The following ANO6 variants were observed in gnomAD, a reference collection of about 807,000 sequenced individuals.
ANO6 encodes anoctamin 6, also known as anoctamin-6.
In ANO6, 106 loss-of-function variants were observed where a neutral mutation model predicts 117.5. The ratio of observed to expected loss-of-function variants is 0.90; its 90% CI spans 0.77 to 1.06. ANO6 has a LOEUF of 1.06. ANO6 is among the 50% of genes least tolerant of loss of function. The pLI is 0.00. For synonymous variants in ANO6, 367 were observed against 385.1 expected (o/e 0.95, Z 0.55); for missense variants, 955 against 1,121.1 (o/e 0.85, Z 2.12).
rs1368941461 is a variant in ANO6 at position 45,361,207 on chromosome 12, AT to A, written c.998+3786del. ...GTCTTTTCATTTATTTAGGTCTTTCATTTCTATCAACAATATTTTATAGTTT... is the reference window on the plus strand; with the variant it reads ...GTCTTTTCATTTATTTAGGTCTTTCATTCTATCAACAATATTTTATAGTTT... On this transcript the variant is annotated intron_variant, in intron 8 of 19. Transcript: ENST00000320560. Among the ~76,000 whole-genome samples, 12 of 152,186 alleles carry A rather than the reference AT, an allele frequency of 7.9e-5. 1 individual carries two copies. In the South Asian group the frequency reaches 2.1e-3, roughly 26 times the overall value.
chr12:45,352,517 A>G (rs1430570496), intron 7 of ANO6, among the ~76,000 whole-genome samples: 4 of 147,622 alleles, frequency 2.7e-5, no homozygotes, highest in Non-Finnish European at 5.9e-5. Context: ...GCTTGAGGCC[A>G]GGAGTTCAAG....
At chr12:45,295,443 C>T (rs1939256445) in intron 1 of ANO6, among the ~76,000 whole-genome samples, 1 of 152,214 alleles carries the variant, frequency 6.6e-6, no homozygotes, top group Non-Finnish European at 1.5e-5. Context: ...ATAGACTCAG[C>T]TGAAGTGATG....
At chr12:45,317,133 T>TATATATATATGTATA (rs34406866) in intron 2 of ANO6, among the ~76,000 whole-genome samples, 2 of 69,538 alleles carry the variant, frequency 2.9e-5, no homozygotes, top group African/African-American at 4.6e-5. Flanking sequence ...ATATATATAT[T>TATATATATATGTATA]TATTATACTT....
At chr12:45,353,357 T>A (rs1941331791) in intron 7 of ANO6, among the ~76,000 whole-genome samples, 1 of 152,184 alleles carries the variant, frequency 6.6e-6, no homozygotes, top group Non-Finnish European at 1.5e-5. Flanking sequence ...ATGTAAATAT[T>A]TGAGGTTGAC....
At chr12:45,357,154 A>G in intron 7 of ANO6, 136 bp from the exon 8 acceptor site, 1 of 956,562 alleles carries the variant, frequency 1.0e-6, no homozygotes, top group Non-Finnish European at 1.6e-6. Context: ...TGCTGTGAAA[A>G]TGAATGTTTT....
At chr12:45,293,007 T>C in intron 1 of ANO6, 1 of 1,536,626 alleles carries the variant, frequency 6.5e-7, no homozygotes, top group South Asian at 1.2e-5. Flanking sequence ...AGGCTCCTTT[T>C]TTATAAATAT....
intron 7 of ANO6, among the ~76,000 whole-genome samples, chr12:45,355,969 A>ATCAAGATGAAGGCAGAAATGAGTCAT (rs1941401035): frequency 6.6e-6 from 1 of 152,212 alleles, no homozygotes; most frequent in Non-Finnish European, 1.5e-5. Flanking sequence ...TATCGTACAG[A>ATCAAGATGAAGGCAGAAATGAGTCAT]TCAAGATGAA....
intron 1 of ANO6, among the ~76,000 whole-genome samples, chr12:45,222,030 C>T (rs143819142): frequency 0.011 from 1,724 of 151,788 alleles, 35 homozygotes; most frequent in African/African-American, 0.037. Context: ...TACAGGCCCC[C>T]GCCACCACAC....
intron 1 of ANO6, among the ~76,000 whole-genome samples, chr12:45,258,184 G>T (rs1937901702): frequency 6.6e-6 from 1 of 152,178 alleles, no homozygotes; most frequent in Admixed American, 6.5e-5. Flanking sequence ...ATGAATAATT[G>T]TGAATTACTA....
intron 1 of ANO6, among the ~76,000 whole-genome samples, chr12:45,251,077 AAAAAAAACCCAC>A (rs1457055843): frequency 2.6e-5 from 4 of 151,570 alleles, no homozygotes; most frequent in East Asian, 3.9e-4. Flanking sequence ...AAAAAAAAGG[AAAAAAAACCCAC>A]AAAAAAACCC....
intron 1 of ANO6, among the ~76,000 whole-genome samples, chr12:45,236,532 T>A (rs1019722433): frequency 6.6e-6 from 1 of 152,224 alleles, no homozygotes; most frequent in African/African-American, 2.4e-5. Flanking sequence ...TCCAGCTTCA[T>A]CCATGTCCCT....
intron 1 of ANO6, among the ~76,000 whole-genome samples, chr12:45,280,119 C>G (rs1938675413): frequency 6.6e-6 from 1 of 152,186 alleles, no homozygotes; most frequent in African/African-American, 2.4e-5. Flanking sequence ...TCCCCTTTTG[C>G]CCTCTGGCAA....
chr12:45,353,382 T>G (rs1941332477), intron 7 of ANO6, among the ~76,000 whole-genome samples: 1 of 152,228 alleles, frequency 6.6e-6, no homozygotes, highest in Non-Finnish European at 1.5e-5. Context: ...ATGTGAAGTT[T>G]CCATTTTATT....
intron 12 of ANO6, among the ~76,000 whole-genome samples, chr12:45,398,603 A>G (rs1942694843): frequency 6.6e-6 from 1 of 152,232 alleles, no homozygotes; most frequent in African/African-American, 2.4e-5. Context: ...TTATGTATAT[A>G]TTTATATACA....
chr12:45,376,685 C>G (rs1441126435), intron 9 of ANO6, among the ~76,000 whole-genome samples: 2 of 136,728 alleles, frequency 1.5e-5, no homozygotes, highest in Non-Finnish European at 3.0e-5. Flanking sequence ...GGGAACATCA[C>G]ACTCTGGGGA....
At chr12:45,275,199 C>T (rs1938515374) in intron 1 of ANO6, among the ~76,000 whole-genome samples, 1 of 152,046 alleles carries the variant, frequency 6.6e-6, no homozygotes, top group South Asian at 2.1e-4. Context: ...TCTCTGTCTC[C>T]TTTTATTTAT....
intron 17 of ANO6, among the ~76,000 whole-genome samples, chr12:45,418,212 A>G (rs2137689154): frequency 6.6e-6 from 1 of 152,344 alleles, no homozygotes; most frequent in East Asian, 1.9e-4. Flanking sequence ...TTACAGTTTT[A>G]TACAATAAAA....
chr12:45,266,086 T>G (rs1300495952), intron 1 of ANO6, among the ~76,000 whole-genome samples: 2 of 152,246 alleles, frequency 1.3e-5, no homozygotes, highest in African/African-American at 4.8e-5. Context: ...GCAAAAGTGA[T>G]TCCACCTTCC....
chr12:45,227,480 C>T (rs546695255), intron 1 of ANO6, among the ~76,000 whole-genome samples: 2 of 152,294 alleles, frequency 1.3e-5, no homozygotes, highest in East Asian at 3.9e-4. Flanking sequence ...TTCTCAGCCT[C>T]TCTGAGCCTG....
Sources: allele counts gnomAD v4.1 joint callset (sites outside exome capture counted in the v4.1 genomes callset), GRCh38; gene constraint gnomAD v4.1.1; transcripts MANE v1.5; gene names NCBI Gene and HGNC (gene_info 2026-07-23, HGNC 2026-07-21).